The following SPMIP11 variants were observed in gnomAD, a reference collection of about 807,000 sequenced individuals.
SPMIP11 encodes the protein sperm microtubule inner protein 11.
chr12:48,749,177 G>A, the SPMIP11 span, among the ~76,000 whole-genome samples: 49,729 of 151,050 alleles, frequency 0.33, 9,340 homozygotes, highest in Non-Finnish European at 0.45. Context: ...CAGGAGAATC[G>A]CTTGAACCTG....
the SPMIP11 span, among the ~76,000 whole-genome samples, chr12:48,750,430 C>T: frequency 6.6e-6 from 1 of 152,130 alleles, no homozygotes; most frequent in Non-Finnish European, 1.5e-5. Flanking sequence ...AAATGGTAAA[C>T]TCTTAGTTCT....
At chr12:48,727,674 C>A in the SPMIP11 span, 3 of 632,374 alleles carry the variant, frequency 4.7e-6, no homozygotes, top group Non-Finnish European at 8.6e-6. Flanking sequence ...TCCTCCAAGG[C>A]CAACAGTTAC....
chr12:48,768,568 G>A, the SPMIP11 span: 7 of 1,613,912 alleles, frequency 4.3e-6, no homozygotes, highest in African/African-American at 9.3e-5. Flanking sequence ...GGTCCCTTCA[G>A]CTGAATTTGT....
the SPMIP11 span, among the ~76,000 whole-genome samples, chr12:48,752,339 C>T: frequency 6.6e-6 from 1 of 152,162 alleles, no homozygotes; most frequent in Non-Finnish European, 1.5e-5. Flanking sequence ...ACAAAAAACG[C>T]TGGCTGGCTT....
the SPMIP11 span, among the ~76,000 whole-genome samples, chr12:48,732,177 A>C: frequency 1.3e-5 from 2 of 151,952 alleles, no homozygotes; most frequent in South Asian, 4.2e-4. Context: ...AAAGCCCCTC[A>C]AACCCCATTG....
the SPMIP11 span, chr12:48,765,086 T>C: frequency 1.6e-6 from 1 of 622,466 alleles, no homozygotes; most frequent in Non-Finnish European, 2.9e-6. Flanking sequence ...CTCCGGTCAG[T>C]TAGGGAATTA....
chr12:48,768,824 C>T, the SPMIP11 span: 2 of 1,549,510 alleles, frequency 1.3e-6, no homozygotes, highest in South Asian at 1.2e-5. Flanking sequence ...AGTCCCTGCC[C>T]CACCATACAC....
the SPMIP11 span, among the ~76,000 whole-genome samples, chr12:48,740,770 C>T: frequency 6.6e-6 from 1 of 151,816 alleles, no homozygotes; most frequent in Non-Finnish European, 1.5e-5. Context: ...GCCTCTAATG[C>T]TAGCTACTCA....
the SPMIP11 span, among the ~76,000 whole-genome samples, chr12:48,769,680 A>G: frequency 3.4e-5 from 5 of 146,124 alleles, no homozygotes; most frequent in Non-Finnish European, 7.5e-5. Context: ...TCTGCCTCCC[A>G]GGTTCAAGAG....
the SPMIP11 span, among the ~76,000 whole-genome samples, chr12:48,744,663 C>G: frequency 5.4e-3 from 822 of 151,420 alleles, 8 homozygotes; most frequent in African/African-American, 0.019. Flanking sequence ...AGGTTGCAGT[C>G]AGCCAAGATC....
the SPMIP11 span, chr12:48,765,613 G>GGAT: frequency 2.8e-6 from 2 of 702,918 alleles, no homozygotes; most frequent in Non-Finnish European, 2.6e-6. Context: ...CCAGGTTTAT[G>GGAT]GATCACTCTA....
At chr12:48,764,889 C>A in the SPMIP11 span, 1 of 702,906 alleles carries the variant, frequency 1.4e-6, no homozygotes, top group South Asian at 1.5e-5. Context: ...GACTGATGCT[C>A]AGAACTTCAG....
At chr12:48,741,488 A>G in the SPMIP11 span, among the ~76,000 whole-genome samples, 9 of 152,060 alleles carry the variant, frequency 5.9e-5, no homozygotes, top group African/African-American at 1.2e-4. Context: ...TCTTCAGTCC[A>G]TCATATCGGG....
the SPMIP11 span, chr12:48,736,139 C>G: frequency 2.2e-6 from 1 of 449,034 alleles, no homozygotes; most frequent in Non-Finnish European, 4.5e-6. Context: ...CATGGTAGCT[C>G]ACGCCTGTAA....
At chr12:48,731,728 T>G in the SPMIP11 span, among the ~76,000 whole-genome samples, 1 of 152,220 alleles carries the variant, frequency 6.6e-6, no homozygotes, top group Non-Finnish European at 1.5e-5. Context: ...GTGTTCTTTC[T>G]GACCCCTCAT....
the SPMIP11 span, among the ~76,000 whole-genome samples, chr12:48,758,445 A>G: frequency 6.6e-6 from 1 of 152,188 alleles, no homozygotes; most frequent in Non-Finnish European, 1.5e-5. Context: ...TTATATGGCC[A>G]CTGCTTCCTT....
chr12:48,768,580 G>C, the SPMIP11 span: 2 of 1,613,982 alleles, frequency 1.2e-6, no homozygotes, highest in East Asian at 4.5e-5. Flanking sequence ...TGAATTTGTG[G>C]CTGGGCCCTG....
the SPMIP11 span, chr12:48,765,544 T>C: frequency 1.4e-6 from 1 of 701,112 alleles, no homozygotes; most frequent in Non-Finnish European, 2.6e-6. Flanking sequence ...GGAGCTATTT[T>C]TAAGGATCTC....
At chr12:48,746,360 C>CTTTTTTTTT in the SPMIP11 span, among the ~76,000 whole-genome samples, 2 of 101,232 alleles carry the variant, frequency 2.0e-5, no homozygotes, top group Non-Finnish European at 4.0e-5. Flanking sequence ...ACTATAATTC[C>CTTTTTTTTT]TTTTTTTTTT....
Sources: allele counts gnomAD v4.1 joint callset (sites outside exome capture counted in the v4.1 genomes callset), GRCh38; gene constraint gnomAD v4.1.1; transcripts MANE v1.5; gene names NCBI Gene and HGNC (gene_info 2026-07-23, HGNC 2026-07-21).